Variants in SPMAP2L observed in about 807,000 individuals in gnomAD.
The protein encoded by SPMAP2L is sperm microtubule associated protein 2-like.
the SPMAP2L span, among the ~76,000 whole-genome samples, chr4:56,534,673 T>C: frequency 6.6e-6 from 1 of 152,210 alleles, no homozygotes; most frequent in African/African-American, 2.4e-5. Flanking sequence ...ACGCCTGTAA[T>C]CCCAGCACTT....
chr4:56,560,936 G>C, the SPMAP2L span, among the ~76,000 whole-genome samples: 2 of 150,950 alleles, frequency 1.3e-5, no homozygotes, highest in Non-Finnish European at 3.0e-5. Flanking sequence ...AGTAGAGACA[G>C]AGTCTTGCCA....
chr4:56,594,621 C>G, the SPMAP2L span: 1 of 1,421,344 alleles, frequency 7.0e-7, no homozygotes, highest in East Asian at 2.3e-5. Flanking sequence ...GGGACCAACC[C>G]AACAAGTGCC....
the SPMAP2L span, among the ~76,000 whole-genome samples, chr4:56,624,354 A>G: frequency 1.3e-5 from 2 of 152,242 alleles, no homozygotes; most frequent in African/African-American, 2.4e-5. Flanking sequence ...GCAGCCTATG[A>G]TGCAGTAGAA....
the SPMAP2L span, among the ~76,000 whole-genome samples, chr4:56,624,480 A>G: frequency 6.6e-6 from 1 of 152,208 alleles, no homozygotes. Flanking sequence ...AGGCCATTTC[A>G]GGGACCTTCA....
the SPMAP2L span, among the ~76,000 whole-genome samples, chr4:56,556,688 A>C: frequency 8.0e-3 from 1,215 of 151,988 alleles, 18 homozygotes; most frequent in African/African-American, 0.028. Context: ...CCTGGCCAAC[A>C]TGGCGAAACC....
chr4:56,589,459 AT>A, the SPMAP2L span, among the ~76,000 whole-genome samples: 1 of 152,078 alleles, frequency 6.6e-6, no homozygotes, highest in Non-Finnish European at 1.5e-5. Flanking sequence ...GTTTTTTCTA[AT>A]TTTGTGAAGA....
the SPMAP2L span, among the ~76,000 whole-genome samples, chr4:56,581,760 C>G: frequency 6.6e-6 from 1 of 152,156 alleles, no homozygotes; most frequent in Non-Finnish European, 1.5e-5. Flanking sequence ...ACAGTTTTCT[C>G]ATTTCAAAAC....
the SPMAP2L span, among the ~76,000 whole-genome samples, chr4:56,544,035 G>T: frequency 6.6e-6 from 1 of 151,334 alleles, no homozygotes. Flanking sequence ...GCCCAGGCTG[G>T]AGTGCTATGG....
At chr4:56,589,633 TG>T in the SPMAP2L span, among the ~76,000 whole-genome samples, 1 of 152,152 alleles carries the variant, frequency 6.6e-6, no homozygotes, top group Non-Finnish European at 1.5e-5. Context: ...TAGTTTTCTT[TG>T]TAGAGGTCTT....
chr4:56,612,110 C>G, the SPMAP2L span, among the ~76,000 whole-genome samples: 1 of 152,064 alleles, frequency 6.6e-6, no homozygotes, highest in East Asian at 1.9e-4. Context: ...AGAAGAGGAG[C>G]GTGGAGAAGC....
the SPMAP2L span, among the ~76,000 whole-genome samples, chr4:56,582,587 A>G: frequency 6.6e-6 from 1 of 152,228 alleles, no homozygotes; most frequent in African/African-American, 2.4e-5. Flanking sequence ...GGATGTGGAA[A>G]CATTAAAACC....
At chr4:56,538,284 T>C in the SPMAP2L span, among the ~76,000 whole-genome samples, 1 of 145,010 alleles carries the variant, frequency 6.9e-6, no homozygotes. Flanking sequence ...TGAACCCCTA[T>C]ACTTGCCTGC....
At chr4:56,534,610 C>G in the SPMAP2L span, among the ~76,000 whole-genome samples, 1 of 152,138 alleles carries the variant, frequency 6.6e-6, no homozygotes, top group African/African-American at 2.4e-5. Flanking sequence ...ATCGTCCCCG[C>G]TTGAATATCA....
chr4:56,594,845 A>C, the SPMAP2L span: 1 of 1,602,268 alleles, frequency 6.2e-7, no homozygotes, highest in Non-Finnish European at 8.5e-7. Context: ...AGACGGGGCA[A>C]ATATGAACGC....
At chr4:56,536,595 T>A in the SPMAP2L span, among the ~76,000 whole-genome samples, 190 of 152,350 alleles carry the variant, frequency 1.2e-3, no homozygotes, top group African/African-American at 4.0e-3. Flanking sequence ...GAATGAAAGA[T>A]CTCTTCATTT....
At chr4:56,578,667 A>T in the SPMAP2L span, among the ~76,000 whole-genome samples, 2 of 152,190 alleles carry the variant, frequency 1.3e-5, no homozygotes, top group African/African-American at 2.4e-5. Context: ...TATACCATGC[A>T]CGCCAACCAA....
At chr4:56,548,177 A>G in the SPMAP2L span, among the ~76,000 whole-genome samples, 1 of 152,182 alleles carries the variant, frequency 6.6e-6, no homozygotes, top group Admixed American at 6.5e-5. Flanking sequence ...TGCCAGTTTA[A>G]AGAAAAATCT....
the SPMAP2L span, among the ~76,000 whole-genome samples, chr4:56,608,010 AAAAG>A: frequency 1.3e-5 from 2 of 151,256 alleles, no homozygotes; most frequent in African/African-American, 2.4e-5. Flanking sequence ...AAAAAAAAAA[AAAAG>A]AAAGAAAGAA....
the SPMAP2L span, among the ~76,000 whole-genome samples, chr4:56,617,472 C>T: frequency 1.3e-5 from 2 of 152,104 alleles, no homozygotes; most frequent in Non-Finnish European, 2.9e-5. Flanking sequence ...CCTCTTTTCC[C>T]CCTTATAGGG....
Sources: gnomAD v4.1 joint callset for allele counts (sites outside exome capture counted in the v4.1 genomes callset) on GRCh38, gnomAD v4.1.1 for gene constraint, MANE v1.5 for transcripts, NCBI Gene and HGNC (gene_info 2026-07-23, HGNC 2026-07-21) for gene names.